The following KDM5D variants were observed in gnomAD, a reference collection of about 807,000 sequenced individuals.
KDM5D encodes the protein lysine demethylase 5D, also known as lysine-specific demethylase 5D.
KDM5D carries 25 observed loss-of-function variants against 31.9 expected under a neutral mutation model. That is an observed-to-expected ratio of 0.78 (90% CI 0.57 to 1.09). The LOEUF (loss-of-function observed/expected upper bound fraction) is 1.09, where lower values mean the gene tolerates loss of function less well. Among genes scored for constraint, KDM5D ranks in the 50% least tolerant of loss-of-function variants. The pLI is 0.00. For missense variants in KDM5D, 366 were observed against 341.6 expected (o/e 1.07, Z -0.56); for synonymous variants, 146 against 122.3 (o/e 1.19, Z -1.28).
At position 19,709,721 on chromosome Y, in the gene KDM5D, A is replaced by G; in HGVS notation, c.2672T>C (p.Leu891Pro). The G allele has an allele frequency of 2.5e-6, 1 of 397,731 alleles. No individual in the cohort carries two copies. The highest frequency in any genetic ancestry group is 3.0e-5 in the South Asian group (1 of 33,565). ...LPSSPGLLRSLLERGQQLGVE... is the reference protein window; with the variant it reads ...LPSSPGLLRSPLERGQQLGVE... ...ACCCAGCTGCTGCCCCCTCTCCAAC[A>G]GGGACCGCAATAGCCCTGGACTAGA... Residue 891 changes from leucine to proline, a missense_variant, in exon 20 of 27, where the codon CTG (leucine) becomes CCG (proline). Leu to Pro is a moderately conservative substitution (Grantham distance 98, BLOSUM62 -3). Coordinates refer to ENST00000317961, the MANE Select transcript of KDM5D (RefSeq NM_004653.5).
At chrY:19,734,721 G>C (rs2045495950) in intron 8 of KDM5D, among the ~76,000 whole-genome samples, 2 of 33,158 alleles carry the variant, frequency 6.0e-5, no homozygotes, top group African/African-American at 2.4e-4. Context: ...GCTCAAAACA[G>C]AAGTCTGTTT....
At chrY:19,726,972 A>G in intron 11 of KDM5D, among the ~76,000 whole-genome samples, 1 of 33,677 alleles carries the variant, frequency 3.0e-5, no homozygotes, top group African/African-American at 1.2e-4. Context: ...ATACAACTTC[A>G]ATTTTCAACT....
Position 19,741,411 on chromosome Y carries a change from G to A in KDM5D, c.429C>T (p.Tyr143=). Residue 143 remains tyrosine, a synonymous_variant, in exon 5 of 27, where the codon TAC becomes TAT. Coordinates refer to ENST00000317961, the MANE Select transcript of KDM5D (RefSeq NM_004653.5). ...GGGAGCCAATGTTTTTGCCTGGTGG[G>A]TAGTGGAGACGCTGGGCAACTCGAG... ...RWARVAQRLH[Y]PPGKNIGSLL... is the part of the protein sequence containing the mutation. The A allele has an allele frequency of 2.5e-6, 1 of 395,227 alleles. No homozygotes were observed. The highest frequency in any genetic ancestry group is 3.6e-6 in the Non-Finnish European group (1 of 280,247).
rs1378103890 is a variant in KDM5D at position 19,741,448 on chromosome Y, T to C, written c.392A>G (p.Asp131Gly). ...EEGGYEAICK[D>G]RRWARVAQRL... ...CTGGGCAACTCGAGCCCACCGACGATCCTTGCAGATGGCTTCATAGCCACC... is the reference window on the plus strand; with the variant it reads ...CTGGGCAACTCGAGCCCACCGACGACCCTTGCAGATGGCTTCATAGCCACC... The change falls in exon 5 of 27, where the codon GAT becomes GGT. Residue 131 changes from aspartate (D) to glycine (G), a missense_variant. Asp to Gly is a moderately conservative substitution (Grantham distance 94, BLOSUM62 -1). Coordinates refer to ENST00000317961, the MANE Select transcript of KDM5D (RefSeq NM_004653.5). The C allele has an allele frequency of 2.3e-5, 9 of 394,275 alleles. No homozygotes were observed. In the Admixed American group the frequency reaches 6.9e-4, roughly 30 times the overall value.
rs982496830 is a variant in KDM5D, at chrY:19,704,468, C to T, written c.*1527G>A. The T allele has an allele frequency of 3.0e-5, 1 of 33,363 alleles. No individual in the cohort carries two copies. The highest frequency in any genetic ancestry group is 1.2e-4 in the African/African-American group (1 of 8,545). 8.3% of individuals were successfully genotyped at this position (33,363 alleles called of 400,897 possible). On this transcript the variant is annotated 3_prime_UTR_variant, in exon 27 of 27. Coordinates refer to ENST00000317961, the MANE Select transcript of KDM5D (RefSeq NM_004653.5). Reference sequence around the variant, plus strand: ...ACTTGGACAGGTGAAGCAATTTCTACTCTACTAGGTCATCACCAAGCATAG... The same window carrying T: ...ACTTGGACAGGTGAAGCAATTTCTATTCTACTAGGTCATCACCAAGCATAG...
chrY:19,727,990 G>A, intron 11 of KDM5D, among the ~76,000 whole-genome samples: 1 of 32,313 alleles, frequency 3.1e-5, no homozygotes, highest in Non-Finnish European at 7.6e-5. Flanking sequence ...GAACAGTAAG[G>A]TTCTAGCTAA....
chrY:19,731,753 G>C lies in KDM5D; in HGVS notation c.1371+19C>G. Reference sequence around the variant, plus strand: ...GAGTTTCCCTAGTTAATGTTAACATGAACTACCAACCGTATTACCTTCTCC... The same window carrying C: ...GAGTTTCCCTAGTTAATGTTAACATCAACTACCAACCGTATTACCTTCTCC... On this transcript the variant is annotated intron_variant, in intron 11 of 26. Coordinates refer to ENST00000317961, the MANE Select transcript of KDM5D (RefSeq NM_004653.5). 4 of 381,411 alleles carry C rather than the reference G, an allele frequency of 1.0e-5. No individual in the cohort carries two copies. The highest frequency in any genetic ancestry group is 1.5e-5 in the Non-Finnish European group (4 of 268,171).
chrY:19,704,580 G>T lies in KDM5D; in HGVS notation c.*1415C>A, dbSNP rs2045217682. On this transcript the variant is annotated 3_prime_UTR_variant, in exon 27 of 27. Coordinates refer to ENST00000317961, the MANE Select transcript of KDM5D (RefSeq NM_004653.5). ...AAAAGAGTAGACAATAAGGAAGGTA[G>T]GTATGATTATAGGCATGAGAAATGC... The T allele has an allele frequency of 3.1e-5, 1 of 32,689 alleles. No individual in the cohort carries two copies. Among genetic ancestry groups the T allele is most frequent in the African/African-American group, 1.2e-4 (1 of 8,353 alleles). 8.2% of individuals were successfully genotyped at this position (32,689 alleles called of 400,897 possible). A position where few individuals can be genotyped will look rare whatever the true frequency, so the allele number is the denominator to read the frequency against.
chrY:19,705,209 G>T lies in KDM5D; in HGVS notation c.*786C>A. 3.0e-5 allele frequency: 1 copy of T among 33,710 alleles called. No individual in the cohort carries two copies. Among genetic ancestry groups the T allele is most frequent in the Non-Finnish European group, 7.4e-5 (1 of 13,595 alleles). The allele number at this position is 33,710 out of a possible 400,897, so 8.4% of individuals were successfully genotyped here. On this transcript the variant is annotated 3_prime_UTR_variant, in exon 27 of 27. Transcript: ENST00000317961. ...CACAAAGCAATTAAGTGTAGGACAG[G>T]TAAGTTTTCTATTGCTGGTGCTGGG...
Position 19,704,849 on chromosome Y carries a change from C to A in KDM5D, c.*1146G>T. 3.0e-5 allele frequency: 1 copy of A among 33,614 alleles called. No individual in the cohort carries two copies. Among genetic ancestry groups the A allele is most frequent in the East Asian group, 7.8e-4 (1 of 1,281 alleles). 8.4% of individuals were successfully genotyped at this position (33,614 alleles called of 400,897 possible). On this transcript the variant is annotated 3_prime_UTR_variant, in exon 27 of 27. Coordinates refer to ENST00000317961, the MANE Select transcript of KDM5D (RefSeq NM_004653.5). ...CATCAATCCTACTGAATTCTTACAA[C>A]AAATGATTTAGATTAGCTATTGTAT...
At chrY:19,718,272 G>A in intron 13 of KDM5D, among the ~76,000 whole-genome samples, 2 of 34,383 alleles carry the variant, frequency 5.8e-5, no homozygotes, top group Non-Finnish European at 1.5e-4. Flanking sequence ...GATGTTCACA[G>A]TAGAAATATT....
Position 19,732,865 on chromosome Y carries a change from A to T in KDM5D, c.934-123T>A. The T allele has an allele frequency of 1.9e-5, 3 of 157,780 alleles. No individual in the cohort carries two copies. The African/African-American group carries it at 2.7e-4, about 14-fold the overall frequency. The allele number at this position is 157,780 out of a possible 400,897, so 39.4% of individuals were successfully genotyped here. A position where few individuals can be genotyped will look rare whatever the true frequency, so the allele number is the denominator to read the frequency against. ...ATAACTATACAGTGTTGTATTTATG[A>T]GCTTACTACCTAGTGCAAACTATGA... is the stretch of plus-strand genomic sequence containing the variant. On this transcript the variant is annotated intron_variant, in intron 8 of 26. Transcript: ENST00000317961.
At chrY:19,722,182 A>C (rs2124196235) in intron 11 of KDM5D, 2 of 33,572 alleles carry the variant, frequency 6.0e-5, no homozygotes, top group Non-Finnish European at 1.5e-4. Context: ...ATTAAAAACA[A>C]ACACACAGCT....
At chrY:19,722,605 C>A in intron 11 of KDM5D, 1 of 31,108 alleles carries the variant, frequency 3.2e-5, no homozygotes, top group Non-Finnish European at 7.7e-5. Context: ...CAACGACCTA[C>A]AGAATGGAAA....
chrY:19,717,162 T>C, intron 13 of KDM5D, among the ~76,000 whole-genome samples: 3 of 33,728 alleles, frequency 8.9e-5, no homozygotes, highest in Admixed American at 8.0e-4. Flanking sequence ...AGCTTTTACA[T>C]TGTGGTACAA....
At position 19,704,322 on chromosome Y, in the gene KDM5D, T is replaced by C. The variant is rs2045217353; in HGVS notation, c.*1673A>G. ...GGCTTGAGAATCATGACTTTCCTCC[T>C]ATTTATGGAAGAGGAGAAAAAAGAA... On this transcript the variant is annotated 3_prime_UTR_variant, in exon 27 of 27. Transcript: ENST00000317961. 1 of 33,748 alleles carries C rather than the reference T, an allele frequency of 3.0e-5. No homozygotes were observed. The highest frequency in any genetic ancestry group is 7.4e-5 in the Non-Finnish European group (1 of 13,595). The allele number at this position is 33,748 out of a possible 400,897, so 8.4% of individuals were successfully genotyped here.
At chrY:19,709,350 T>C in intron 20 of KDM5D, 101 bp downstream of exon 20, 1 of 283,673 alleles carries the variant, frequency 3.5e-6, no homozygotes, top group Non-Finnish European at 5.2e-6. Flanking sequence ...GATGCCCAAC[T>C]GGGAGTCTGT....
chrY:19,727,512 G>A, intron 11 of KDM5D, among the ~76,000 whole-genome samples: 4 of 33,261 alleles, frequency 1.2e-4, no homozygotes, highest in African/African-American at 4.7e-4. Flanking sequence ...TTAAAATCTA[G>A]GTTTCTGAAA....
Position 19,706,342 on chromosome Y carries a change from C to T in KDM5D, c.4273G>A (p.Glu1425Lys). ...CGACTCCCTTGATGTTCAAATTTTTCCAGCTGCAATCATACCCACACAAGG... is the reference window on the plus strand; with the variant it reads ...CGACTCCCTTGATGTTCAAATTTTTTCAGCTGCAATCATACCCACACAAGG... The part of the protein sequence containing the change: ...LDRIRTLLEL[E>K]KFEHQGSRTR... The change falls in exon 27 of 27, where the codon GAA becomes AAA. Residue 1425 changes from glutamate to lysine, a missense_variant. Coordinates refer to ENST00000317961, the MANE Select transcript of KDM5D (RefSeq NM_004653.5). The T allele has an allele frequency of 2.6e-6, 1 of 389,901 alleles. No homozygotes were observed. Among genetic ancestry groups the T allele is most frequent in the Non-Finnish European group, 3.6e-6 (1 of 278,417 alleles).
Sources: gnomAD v4.1 joint callset for allele counts (sites outside exome capture counted in the v4.1 genomes callset) on GRCh38, gnomAD v4.1.1 for gene constraint, MANE v1.5 for transcripts, NCBI Gene and HGNC (gene_info 2026-07-23, HGNC 2026-07-21) for gene names.